Variants in PHACTR2 observed in about 807,000 individuals in gnomAD.
PHACTR2 encodes the protein phosphatase and actin regulator 2.
Under a neutral mutation model 76.0 loss-of-function variants are expected in PHACTR2, and 30 were observed. The observed-to-expected ratio is 0.39, with a 90% CI of 0.30 to 0.54. The LOEUF is 0.54. Among genes scored for constraint, PHACTR2 ranks in the 20% least tolerant of loss-of-function variants. The pLI, the probability that PHACTR2 is intolerant of heterozygous loss-of-function variation, is 0.61. For synonymous variants in PHACTR2, 292 were observed against 292.5 expected (o/e 1.00, Z 0.02); for missense variants, 696 against 781.1 (o/e 0.89, Z 1.30).
At position 143,597,046 on chromosome 6, in the gene PHACTR2, C is replaced by T. The variant is rs11155309; in HGVS notation, c.217+59839C>T. Among the ~76,000 whole-genome samples the T allele has an allele frequency of 0.64, 96,480 of 151,906 alleles. 31,640 individuals are homozygous for T. Among genetic ancestry groups the T allele is most frequent in the Non-Finnish European group, 0.73 (49,740 of 67,968 alleles). ...CCTGCGTTTCTGCTCCCAGTATGCA[C>T]ATCAAGGTCACATTCTTCTGCTCTA... is the stretch of plus-strand genomic sequence containing the variant. On this transcript the variant is annotated intron_variant, in intron 1 of 11. Coordinates refer to the PHACTR2 transcript ENST00000367584. The surrounding 1 kb of genome is among the most constrained non-coding windows in gnomAD (Gnocchi z 5.7).
At position 143,765,193 on chromosome 6, in the gene PHACTR2, C is replaced by G; in HGVS notation, c.695-68C>G. ...ATTTTAAATGTTGTTGACAGTTACA[C>G]CTTGGTTACTTTATTTTAAAAAGCA... On this transcript the variant is annotated intron_variant, in intron 5 of 12. Coordinates refer to ENST00000440869, the MANE Select transcript of PHACTR2 (RefSeq NM_001100164.2). The surrounding 1 kb of genome is among the most constrained non-coding windows in gnomAD (Gnocchi z 4.1). 2 of 1,223,744 alleles carry G rather than the reference C, an allele frequency of 1.6e-6. No individual in the cohort carries two copies. Among genetic ancestry groups the G allele is most frequent in the Admixed American group, 4.4e-5 (2 of 45,804 alleles). The allele number at this position is 1,223,744 out of a possible 1,614,324, so 75.8% of individuals were successfully genotyped here.
At chr6:143,564,901 G>A (rs1775340393) in intron 1 of PHACTR2, among the ~76,000 whole-genome samples, 1 of 96,010 alleles carries the variant, frequency 1.0e-5, no homozygotes, top group African/African-American at 3.4e-5. Context: ...CATGAATAGT[G>A]ATCACAAGTA....
rs1776508640 is a variant in PHACTR2 at position 143,825,214 on chromosome 6, A to G, written c.*1525A>G. ...TTTTATTCTCAGAGTTTGGACTACA[A>G]TTTTCTAAGATGTTTCTGGTTCAAG... On this transcript the variant is annotated 3_prime_UTR_variant, in exon 13 of 13. Coordinates refer to ENST00000440869, the MANE Select transcript of PHACTR2 (RefSeq NM_001100164.2). This position sits in a 1 kb window ranked among gnomAD's most constrained non-coding sequence, Gnocchi z 4.1. 6.6e-6 allele frequency: 1 copy of G among 152,250 alleles called. No individual in the cohort carries two copies. The highest frequency in any genetic ancestry group is 6.5e-5 in the Admixed American group (1 of 15,278). 9.4% of individuals were successfully genotyped at this position (152,250 alleles called of 1,614,324 possible). A position where few individuals can be genotyped will look rare whatever the true frequency, so the allele number is the denominator to read the frequency against.
At chr6:143,769,161 T>G (rs1009395222) in intron 6 of PHACTR2, among the ~76,000 whole-genome samples, 2 of 152,308 alleles carry the variant, frequency 1.3e-5, no homozygotes, top group African/African-American at 2.4e-5. Context: ...CTACCTCTCT[T>G]CCCATATGGC....
rs1385270298 is a variant in PHACTR2, at chr6:143,621,823, A to G, written c.13+13501A>G. On this transcript the variant is annotated intron_variant, in intron 1 of 11. Coordinates refer to the PHACTR2 transcript ENST00000305766. This position sits in a 1 kb window ranked among gnomAD's most constrained non-coding sequence, Gnocchi z 4.1. ...GAACAGTAGCTCATTTCTTCCTCTC[A>G]GCTACCTCCCAAGGTGATCACTTGG... is the stretch of plus-strand genomic sequence containing the variant. Among the ~76,000 whole-genome samples, 1 of 152,184 alleles carries G rather than the reference A, an allele frequency of 6.6e-6. No individual in the cohort carries two copies. The highest frequency in any genetic ancestry group is 1.5e-5 in the Non-Finnish European group (1 of 68,032).
At position 143,787,516 on chromosome 6, in the gene PHACTR2, C is replaced by T. The variant is rs1192616399; in HGVS notation, c.1708-1257C>T. On this transcript the variant is annotated intron_variant, in intron 10 of 12. Transcript: ENST00000440869. The surrounding 1 kb of genome is among the most constrained non-coding windows in gnomAD (Gnocchi z 4.6). ...GTATGGGCCTAGGCCTTCTAAAAGTCCTTGAGTGCTTTGAATATTACAGTA... is the reference window on the plus strand; with the variant it reads ...GTATGGGCCTAGGCCTTCTAAAAGTTCTTGAGTGCTTTGAATATTACAGTA... Among the ~76,000 whole-genome samples the T allele has an allele frequency of 6.6e-6, 1 of 152,210 alleles. No homozygotes were observed. Among genetic ancestry groups the T allele is most frequent in the Non-Finnish European group, 1.5e-5 (1 of 68,032 alleles).
intron 1 of PHACTR2, among the ~76,000 whole-genome samples, chr6:143,644,335 GC>G (rs1274661472): frequency 6.6e-6 from 1 of 152,046 alleles, no homozygotes; most frequent in Non-Finnish European, 1.5e-5. Context: ...GGGCATGGTG[GC>G]GGGCGCTTGT....
chr6:143,748,068 TA>T (rs143897499), intron 2 of PHACTR2, among the ~76,000 whole-genome samples: 11 of 150,386 alleles, frequency 7.3e-5, no homozygotes, highest in African/African-American at 2.8e-4. Flanking sequence ...TGATTATTAT[TA>T]TTTTTTTTTT....
rs928756753 is a variant in PHACTR2 at position 143,543,149 on chromosome 6, CATGATG to C, written c.217+5953_217+5958del. Among the ~76,000 whole-genome samples, 3 of 152,110 alleles carry C rather than the reference CATGATG, an allele frequency of 2.0e-5. No individual in the cohort carries two copies. Among genetic ancestry groups the C allele is most frequent in the African/African-American group, 7.2e-5 (3 of 41,416 alleles). ...GCCTTGCATCATGCTCAGTAAATAA[CATGATG>C]ATGATGATGACTGTTCTTGTTTTCA... On this transcript the variant is annotated intron_variant, in intron 1 of 11. Coordinates refer to the PHACTR2 transcript ENST00000367584. This position sits in a 1 kb window ranked among gnomAD's most constrained non-coding sequence, Gnocchi z 4.7.
Position 143,725,972 on chromosome 6 carries a change from C to T in PHACTR2, c.214+13789C>T, listed in dbSNP as rs113586241. Among the ~76,000 whole-genome samples, 563 of 152,310 alleles carry T rather than the reference C, an allele frequency of 3.7e-3. 8 individuals carry two copies. Among genetic ancestry groups the T allele is most frequent in the African/African-American group, 0.013 (544 of 41,558 alleles). On this transcript the variant is annotated intron_variant, in intron 2 of 12. Transcript: ENST00000440869. ...TTCCATTTTTTGTTGAATAGTATTT[C>T]ATGGAATAGATGTACCACAGTTTAT... is the stretch of plus-strand genomic sequence containing the variant.
chr6:143,762,876 CA>C (rs1404737472), intron 5 of PHACTR2, among the ~76,000 whole-genome samples: 2 of 152,022 alleles, frequency 1.3e-5, no homozygotes, highest in Non-Finnish European at 2.9e-5. Context: ...GGAGAGGCGA[CA>C]TTTTTTTTTA....
In PHACTR2 at chr6:143,611,087, GGT is replaced by G. The variant is rs1474438942; in HGVS notation, c.13+2772_13+2773del. On this transcript the variant is annotated intron_variant, in intron 1 of 11. Coordinates refer to the PHACTR2 transcript ENST00000305766. This position sits in a 1 kb window ranked among gnomAD's most constrained non-coding sequence, Gnocchi z 4.4. ...AAGACATTCAGAGGCAAAGTTGATT[GGT>G]GTGTGTTTTTTATCTGAAACACAAT... 6.6e-6 allele frequency among the ~76,000 whole-genome samples: 1 copy of G among 151,894 alleles called. No individual in the cohort carries two copies. Among genetic ancestry groups the G allele is most frequent in the Admixed American group, 6.6e-5 (1 of 15,248 alleles).
rs1172464407 is a variant in PHACTR2, at chr6:143,562,045, A to T, written c.217+24838A>T. On this transcript the variant is annotated intron_variant, in intron 1 of 11. Transcript: ENST00000367584. This position sits in a 1 kb window ranked among gnomAD's most constrained non-coding sequence, Gnocchi z 5.1. ...GACGCAGAGCTTCTGCTCATTCTTC[A>T]AAACCCTAGTCAGATATTGTTACTT... 6.6e-6 allele frequency: 1 copy of T among 152,010 alleles called. No homozygotes were observed. The highest frequency in any genetic ancestry group is 2.4e-5 in the African/African-American group (1 of 41,368). The allele number at this position is 152,010 out of a possible 1,614,324, so 9.4% of individuals were successfully genotyped here.
chr6:143,770,299 A>T lies in PHACTR2; in HGVS notation c.1233-1959A>T, dbSNP rs187197951. Among the ~76,000 whole-genome samples, 890 of 152,338 alleles carry T rather than the reference A, an allele frequency of 5.8e-3. 3 individuals carry two copies. Among genetic ancestry groups the T allele is most frequent in the Non-Finnish European group, 8.9e-3 (607 of 68,016 alleles). Reference sequence around the variant, plus strand: ...TTCTCTTAGAGAAGGTGCTTAGAATAGTCAAATTATAGAGACAAAAAGTAG... The same window carrying T: ...TTCTCTTAGAGAAGGTGCTTAGAATTGTCAAATTATAGAGACAAAAAGTAG... On this transcript the variant is annotated intron_variant, in intron 6 of 12. Transcript: ENST00000440869.
At chr6:143,771,174 GTATATATATATATATGTGTGTA>G (rs1775110779) in intron 6 of PHACTR2, among the ~76,000 whole-genome samples, 3 of 68,880 alleles carry the variant, frequency 4.4e-5, no homozygotes, top group African/African-American at 1.3e-4. Flanking sequence ...ATATATATAT[GTATATATATATATATGTGTGTA>G]TATATATATA....
At position 143,625,673 on chromosome 6, in the gene PHACTR2, T is replaced by A. The variant is rs1030192914; in HGVS notation, c.13+17351T>A. Among the ~76,000 whole-genome samples the A allele has an allele frequency of 3.3e-5, 5 of 152,332 alleles. No individual in the cohort carries two copies. Among genetic ancestry groups the A allele is most frequent in the Admixed American group, 6.5e-5 (1 of 15,304 alleles). On this transcript the variant is annotated intron_variant, in intron 1 of 11. Coordinates refer to the PHACTR2 transcript ENST00000305766. This position sits in a 1 kb window ranked among gnomAD's most constrained non-coding sequence, Gnocchi z 4.3. ...CTTTGTTTATCATAATTTTAGAATA[T>A]AATTTAGTTGAAAGACATATTTAGC... is the stretch of plus-strand genomic sequence containing the variant.
chr6:143,785,606 C>G (rs924077269), intron 10 of PHACTR2, among the ~76,000 whole-genome samples: 2 of 152,214 alleles, frequency 1.3e-5, no homozygotes, highest in African/African-American at 4.8e-5. Context: ...CCCACATTTC[C>G]CTTCTGCACT....
At chr6:143,814,643 C>T (rs930332074) in intron 12 of PHACTR2, among the ~76,000 whole-genome samples, 1 of 143,098 alleles carries the variant, frequency 7.0e-6, no homozygotes, top group African/African-American at 2.5e-5. Context: ...CGCTCTGTCG[C>T]CCAGGCTGGA....
chr6:143,562,793 T>G lies in PHACTR2; in HGVS notation c.217+25586T>G, dbSNP rs1775300288. Reference sequence around the variant, plus strand: ...GAATTAACAAAATATGGTATTTATGTACATGAGTATTATCCAGCCATAAAG... The same window carrying G: ...GAATTAACAAAATATGGTATTTATGGACATGAGTATTATCCAGCCATAAAG... On this transcript the variant is annotated intron_variant, in intron 1 of 11. Transcript: ENST00000367584. This position sits in a 1 kb window ranked among gnomAD's most constrained non-coding sequence, Gnocchi z 5.1. 6.6e-6 allele frequency among the ~76,000 whole-genome samples: 1 copy of G among 152,222 alleles called. No homozygotes were observed. The highest frequency in any genetic ancestry group is 1.9e-4 in the East Asian group (1 of 5,202).
Sources: gnomAD v4.1 joint callset for allele counts (sites outside exome capture counted in the v4.1 genomes callset) on GRCh38, gnomAD v4.1.1 for gene constraint, Gnocchi (gnomAD v3.1) non-coding constraint, MANE v1.5 for transcripts, NCBI Gene and HGNC (gene_info 2026-07-23, HGNC 2026-07-21) for gene names.